The following RBFOX1 variants were observed in gnomAD, a reference collection of about 807,000 sequenced individuals.
The protein encoded by RBFOX1 is RNA binding protein fox-1 homolog 1.
A neutral mutation model predicts 57.7 loss-of-function variants in RBFOX1; 8 were observed. The ratio of observed to expected loss-of-function variants is 0.14; its 90% CI spans 0.08 to 0.25. RBFOX1 has a LOEUF of 0.25. RBFOX1 is among the 10% of genes least tolerant of loss of function. The probability of loss-of-function intolerance (pLI) is 1.00; values close to 1 mark genes in which losing one functional copy is unlikely to be tolerated. For missense variants in RBFOX1, 611 were observed against 548.5 expected (o/e 1.11, Z -1.14); for synonymous variants, 326 against 222.4 (o/e 1.47, Z -4.15).
intron 1 of RBFOX1, chr16:5,271,002 A>G (rs538348036): frequency 4.4e-4 from 133 of 302,642 alleles, no homozygotes; most frequent in Middle Eastern, 8.5e-4. Flanking sequence ...TTTGTGAAAA[A>G]CAAACAATAA....
chr16:5,849,985 T>A (rs560004840), intron 3 of RBFOX1, among the ~76,000 whole-genome samples: 1 of 152,320 alleles, frequency 6.6e-6, no homozygotes, highest in South Asian at 2.1e-4. Flanking sequence ...CAGATGTTTG[T>A]CCTTTGGCTT....
intron 2 of RBFOX1, among the ~76,000 whole-genome samples, chr16:6,490,421 T>C (rs2095605875): frequency 6.6e-6 from 1 of 152,198 alleles, no homozygotes; most frequent in Non-Finnish European, 1.5e-5. Flanking sequence ...TACTTGAAAA[T>C]GTCTCACATC....
intron 2 of RBFOX1, among the ~76,000 whole-genome samples, chr16:6,612,145 G>C (rs544498904): frequency 2.0e-5 from 3 of 152,010 alleles, no homozygotes; most frequent in Admixed American, 6.5e-5. Flanking sequence ...GTAAGAATTT[G>C]CTCATCTTTT....
At chr16:6,649,963 C>G (rs182780461) in intron 2 of RBFOX1, among the ~76,000 whole-genome samples, 1 of 152,200 alleles carries the variant, frequency 6.6e-6, no homozygotes, top group East Asian at 1.9e-4. Flanking sequence ...AATTGTGCTG[C>G]TATAAAAGTG....
intron 5 of RBFOX1, among the ~76,000 whole-genome samples, chr16:7,562,112 A>C (rs534028950): frequency 1.3e-5 from 2 of 152,328 alleles, no homozygotes; most frequent in South Asian, 4.1e-4. Flanking sequence ...AATGCAGCTC[A>C]TTTTTATGAG....
At chr16:6,377,424 T>C (rs1011003066) in intron 2 of RBFOX1, among the ~76,000 whole-genome samples, 1 of 152,132 alleles carries the variant, frequency 6.6e-6, no homozygotes, top group Non-Finnish European at 1.5e-5. Context: ...GGGCCATGGA[T>C]TTCTGGGGGT....
chr16:5,261,787 T>C (rs1454860905), intron 1 of RBFOX1, among the ~76,000 whole-genome samples: 2 of 152,160 alleles, frequency 1.3e-5, no homozygotes, highest in East Asian at 1.9e-4. Flanking sequence ...CCTGACCTCG[T>C]GATCCGCTGG....
In RBFOX1 at chr16:7,647,063, C is replaced by G. The variant is rs374588502; in HGVS notation, c.758-6752C>G. Among the ~76,000 whole-genome samples, 10 of 152,310 alleles carry G rather than the reference C, an allele frequency of 6.6e-5. No homozygotes were observed. In the South Asian group the frequency reaches 8.3e-4, roughly 13 times the overall value. The stretch of plus-strand genomic sequence containing the variant: ...TCTAAAATGTTGATTTGCCGTGATA[C>G]TTGAGCACCACCACAGCGTGCCTCT... On this transcript the variant is annotated intron_variant, in intron 11 of 15. Transcript: ENST00000550418.
intron 3 of RBFOX1, among the ~76,000 whole-genome samples, chr16:5,771,408 T>C (rs2053971960): frequency 6.6e-6 from 1 of 152,176 alleles, no homozygotes; most frequent in Non-Finnish European, 1.5e-5. Context: ...GTGTTTGTTT[T>C]GTTTTGTTTT....
chr16:5,320,993 G>C (rs942090849), intron 1 of RBFOX1, among the ~76,000 whole-genome samples: 1 of 152,214 alleles, frequency 6.6e-6, no homozygotes, highest in African/African-American at 2.4e-5. Flanking sequence ...TCTATAGTCA[G>C]ATGCTTTTAT....
At chr16:5,303,406 C>T (rs570963143) in intron 1 of RBFOX1, among the ~76,000 whole-genome samples, 20 of 152,290 alleles carry the variant, frequency 1.3e-4, no homozygotes, top group Admixed American at 2.6e-4. Context: ...TTCAGTTCCA[C>T]GGTCAAGCTG....
intron 4 of RBFOX1, among the ~76,000 whole-genome samples, chr16:5,972,539 A>C (rs1282470202): frequency 6.6e-6 from 1 of 152,202 alleles, no homozygotes; most frequent in Non-Finnish European, 1.5e-5. Context: ...CCTTATGGCT[A>C]ATTCCTTAGC....
chr16:6,852,255 G>A (rs1056248608), intron 3 of RBFOX1, among the ~76,000 whole-genome samples: 1 of 152,070 alleles, frequency 6.6e-6, no homozygotes, highest in South Asian at 2.1e-4. Flanking sequence ...TGCAGTCTCT[G>A]CCTCTGTGTT....
At chr16:5,513,002 A>C (rs1276798840) in intron 2 of RBFOX1, among the ~76,000 whole-genome samples, 3 of 152,092 alleles carry the variant, frequency 2.0e-5, no homozygotes, top group African/African-American at 7.2e-5. Context: ...TGCAACCTCC[A>C]CCTCCTAGGC....
At chr16:6,323,341 A>G (rs1295825398) in intron 2 of RBFOX1, among the ~76,000 whole-genome samples, 1 of 152,204 alleles carries the variant, frequency 6.6e-6, no homozygotes, top group Admixed American at 6.5e-5. Context: ...CATGGTGCTT[A>G]TGATGCTCCC....
chr16:5,739,633 G>A lies in RBFOX1; in HGVS notation c.319-127670G>A, dbSNP rs1056876085. Among the ~76,000 whole-genome samples the A allele has an allele frequency of 5.3e-5, 8 of 152,326 alleles. No homozygotes were observed. The South Asian group carries it at 1.7e-3, about 32-fold the overall frequency. On this transcript the variant is annotated intron_variant, in intron 3 of 19. Transcript: ENST00000641259. ...TATTTTGCAGCAGACAGAGACGGAT[G>A]TTTAAAAAAACTTACGCTTTGGCAT...
chr16:5,375,606 T>C (rs13334192), intron 1 of RBFOX1, among the ~76,000 whole-genome samples: 28,395 of 152,204 alleles, frequency 0.19, 3,307 homozygotes, highest in African/African-American at 0.32. Context: ...TGGACGCTGA[T>C]ACTGGCGTGG....
intron 3 of RBFOX1, among the ~76,000 whole-genome samples, chr16:6,931,252 G>A (rs1186649128): frequency 6.8e-6 from 1 of 147,282 alleles, no homozygotes; most frequent in Non-Finnish European, 1.5e-5. Flanking sequence ...TTGCTCTTTG[G>A]TGCTACCAAA....
chr16:5,762,768 C>T (rs138258190), intron 3 of RBFOX1, among the ~76,000 whole-genome samples: 35 of 152,160 alleles, frequency 2.3e-4, no homozygotes, highest in Admixed American at 2.6e-4. Context: ...TTGGTAAACA[C>T]GTTTGGATAA....
Sources: allele counts gnomAD v4.1 joint callset (sites outside exome capture counted in the v4.1 genomes callset), GRCh38; gene constraint gnomAD v4.1.1; transcripts MANE v1.5; gene names NCBI Gene and HGNC (gene_info 2026-07-23, HGNC 2026-07-21).